COL6A5: variants seen among roughly 807,000 people sequenced by gnomAD.
COL6A5 encodes collagen alpha-5(VI) chain.
In COL6A5, 48 loss-of-function variants were observed where a neutral mutation model predicts 65.6. The observed-to-expected ratio is 0.73, with a 90% confidence interval of 0.58 to 0.93. COL6A5 has a LOEUF of 0.93. Ranked by LOEUF, COL6A5 falls within the 40% of genes least tolerant of loss-of-function variation. The pLI, the probability that COL6A5 is intolerant of heterozygous loss-of-function variation, is 0.00. For synonymous variants in COL6A5, 291 were observed against 322.8 expected (o/e 0.90, Z 1.05); for missense variants, 914 against 928.3 (o/e 0.98, Z 0.20).
At chr3:130,411,248 G>A (rs1937167140) in intron 20 of COL6A5, among the ~76,000 whole-genome samples, 1 of 152,156 alleles carries the variant, frequency 6.6e-6, no homozygotes. Flanking sequence ...AGCTGGAAGT[G>A]ATATTTATAA....
At chr3:130,416,561 C>T (rs1031898848) in intron 23 of COL6A5, among the ~76,000 whole-genome samples, 196 bp from the exon 24 acceptor site, 25 of 152,218 alleles carry the variant, frequency 1.6e-4, no homozygotes, top group African/African-American at 6.0e-4. Flanking sequence ...AACATGTGGT[C>T]CTCTAACTAG....
chr3:130,403,604 C>G lies in COL6A5; in HGVS notation c.4228-5C>G, dbSNP rs753950794. 5 of 1,550,540 alleles carry G rather than the reference C, an allele frequency of 3.2e-6. No homozygotes were observed. The highest frequency in any genetic ancestry group is 4.4e-6 in the Non-Finnish European group (5 of 1,146,374). ...TAAAATGTATTGTTCTCTCTTTCTT[C>G]CCAGGGTTCTCAAGGTCTGAAAGGC... On this transcript the variant is annotated splice_polypyrimidine_tract_variant and splice_region_variant and intron_variant and NMD_transcript_variant, in intron 12 of 41. Coordinates refer to the COL6A5 transcript ENST00000312481.
chr3:130,379,807 G>A (rs1245345236), exon 4 of COL6A5: 4 of 1,551,396 alleles, frequency 2.6e-6, no homozygotes, highest in East Asian at 2.4e-5. Context: ...ATCAGATGAT[G>A]AGGTGCATGA....
chr3:130,441,707 A>G (rs1206396164), intron 3 of COL6A5, among the ~76,000 whole-genome samples: 1 of 152,164 alleles, frequency 6.6e-6, no homozygotes, highest in East Asian at 1.9e-4. Flanking sequence ...TTTGACAGTC[A>G]CAACTTGGGG....
chr3:130,350,129 C>T (rs997597816), intron 1 of COL6A5, among the ~76,000 whole-genome samples: 1 of 152,088 alleles, frequency 6.6e-6, no homozygotes, highest in Non-Finnish European at 1.5e-5. Context: ...AGTACATTGC[C>T]TCATCAATCA....
intron 17 of COL6A5, 32 bp downstream of exon 17, chr3:130,406,353 G>T: frequency 6.6e-7 from 1 of 1,506,046 alleles, no homozygotes; most frequent in Non-Finnish European, 9.0e-7. Context: ...CTTCAAAGAA[G>T]GAGAATTTGG....
intron 4 of COL6A5, among the ~76,000 whole-genome samples, chr3:130,449,624 C>A (rs1362756409): frequency 6.6e-6 from 1 of 152,120 alleles, no homozygotes; most frequent in African/African-American, 2.4e-5. Context: ...ATCTACTAGG[C>A]CCTCAGACTT....
intron 1 of COL6A5, among the ~76,000 whole-genome samples, chr3:130,349,302 A>G (rs1254914330): frequency 1.3e-5 from 2 of 152,276 alleles, no homozygotes; most frequent in East Asian, 1.9e-4. Flanking sequence ...CCGTAGTGCA[A>G]TGGAAGAACA....
chr3:130,439,575 TC>T lies in COL6A5; in HGVS notation c.542del (p.Gln182LysfsTer3), dbSNP rs867725858. The stretch of plus-strand genomic sequence containing the variant: ...TTCCAGTTCCTCCAAATGGGGAAAA[TC>T]AAACATTAGAAAGACTTCGGCGCTG... On this transcript the variant is annotated frameshift_variant, in exon 2 of 8. Transcript: ENST00000512836. LOFTEE classifies it high-confidence loss of function. The T allele has an allele frequency of 8.4e-6, 13 of 1,551,054 alleles. No homozygotes were observed. In the African/African-American group the frequency reaches 1.5e-4, roughly 18 times the overall value.
In COL6A5 at chr3:130,468,785, T is replaced by C; in HGVS notation, c.1545-10T>C. ...CATTAAAAAGAATGACTTGAGTTAT[T>C]CTGTTGCAGGACATGAAAATTATGG... On this transcript the variant is annotated splice_polypyrimidine_tract_variant and intron_variant, in intron 5 of 7. Coordinates refer to ENST00000512836, the Ensembl canonical transcript of COL6A5. 1 of 1,591,554 alleles carries C rather than the reference T, an allele frequency of 6.3e-7. No homozygotes were observed. The highest frequency in any genetic ancestry group is 8.6e-7 in the Non-Finnish European group (1 of 1,166,524).
At chr3:130,397,483 C>G in intron 8 of COL6A5, 100 bp from the exon 9 acceptor site, 1 of 840,552 alleles carries the variant, frequency 1.2e-6, no homozygotes, top group East Asian at 2.7e-5. Context: ...GACTAGAGAC[C>G]CTCTAGCTCT....
At chr3:130,357,978 A>G (rs1262808361) in intron 1 of COL6A5, among the ~76,000 whole-genome samples, 1 of 152,020 alleles carries the variant, frequency 6.6e-6, no homozygotes, top group African/African-American at 2.4e-5. Flanking sequence ...TCACGAGGTC[A>G]GGTGATCGAG....
intron 3 of COL6A5, 38 bp from the exon 4 acceptor site, chr3:130,379,380 G>A (rs1186097748): frequency 2.6e-6 from 4 of 1,519,864 alleles, no homozygotes; most frequent in Non-Finnish European, 2.7e-6. Flanking sequence ...CCGGGCCAGT[G>A]GTTTATACTA....
intron 1 of COL6A5, among the ~76,000 whole-genome samples, chr3:130,350,520 A>G (rs935604412): frequency 2.0e-5 from 3 of 152,208 alleles, no homozygotes; most frequent in Admixed American, 2.0e-4. Flanking sequence ...CCAATAACAG[A>G]CAAACAGAGA....
chr3:130,409,370 G>A, exon 18 of COL6A5: 7 of 1,548,672 alleles, frequency 4.5e-6, no homozygotes, highest in Non-Finnish European at 6.1e-6. Context: ...ATGGAGAGAA[G>A]GGCTTCCCAG....
At chr3:130,473,049 A>G (rs1709999141) in intron 7 of COL6A5, among the ~76,000 whole-genome samples, 2 of 151,008 alleles carry the variant, frequency 1.3e-5, no homozygotes, top group Non-Finnish European at 3.0e-5. Flanking sequence ...AAAAAGAGAG[A>G]GAGAAGATAG....
chr3:130,380,200 C>T (rs1360643817), intron 4 of COL6A5, 150 bp downstream of exon 4: 4 of 599,050 alleles, frequency 6.7e-6, no homozygotes, highest in Non-Finnish European at 1.1e-5. Flanking sequence ...GATGCCCATA[C>T]AACTTCAAAC....
At chr3:130,361,792 C>G (rs1935117572) in intron 1 of COL6A5, among the ~76,000 whole-genome samples, 1 of 152,146 alleles carries the variant, frequency 6.6e-6, no homozygotes, top group South Asian at 2.1e-4. Flanking sequence ...GTAGTAGCAT[C>G]TTACTCTTTT....
chr3:130,418,771 G>A, intron 24 of COL6A5, 98 bp from the exon 25 acceptor site: 3 of 919,382 alleles, frequency 3.3e-6, no homozygotes, highest in Non-Finnish European at 5.2e-6. Context: ...ACCCCTCACT[G>A]AGAACCTTGA....
Sources: gnomAD v4.1 joint callset for allele counts (sites outside exome capture counted in the v4.1 genomes callset) on GRCh38, gnomAD v4.1.1 for gene constraint, MANE v1.5 for transcripts, NCBI Gene and HGNC (gene_info 2026-07-23, HGNC 2026-07-21) for gene names.